MLLT10: variants seen among roughly 807,000 people sequenced by gnomAD.
The protein encoded by MLLT10 is protein AF-10.
MLLT10 carries 30 observed loss-of-function variants against 129.1 expected under a neutral mutation model. The ratio of observed to expected loss-of-function variants is 0.23; its 90% CI spans 0.17 to 0.32. MLLT10 has a LOEUF of 0.32. Ranked by LOEUF, MLLT10 falls within the 10% of genes least tolerant of loss-of-function variation. MLLT10 has a pLI of 1.00. For synonymous variants in MLLT10, 490 were observed against 446.4 expected (o/e 1.10, Z -1.23); for missense variants, 1,119 against 1,268.3 (o/e 0.88, Z 1.79).
intron 22 of MLLT10, 101 bp downstream of exon 22, chr10:21,740,337 TC>T: frequency 2.3e-6 from 3 of 1,327,798 alleles, no homozygotes; most frequent in Non-Finnish European, 3.1e-6. Context: ...GATCATTTCT[TC>T]TTAAAACCAG....
chr10:21,540,551 C>A (rs1353452162), intron 3 of MLLT10, among the ~76,000 whole-genome samples: 1 of 151,946 alleles, frequency 6.6e-6, no homozygotes, highest in African/African-American at 2.4e-5. Context: ...TCACAAAAAA[C>A]ACAGTGAGGG....
chr10:21,547,210 A>T (rs961786210), intron 3 of MLLT10, among the ~76,000 whole-genome samples: 21 of 151,648 alleles, frequency 1.4e-4, no homozygotes, highest in African/African-American at 5.1e-4. Context: ...GCTGATTTGG[A>T]GGTCATATGC....
At chr10:21,558,808 T>C (rs2038418351) in intron 3 of MLLT10, among the ~76,000 whole-genome samples, 1 of 152,216 alleles carries the variant, frequency 6.6e-6, no homozygotes, top group Non-Finnish European at 1.5e-5. Context: ...TTGTATGCAT[T>C]TCTTTCTGAA....
intron 8 of MLLT10, among the ~76,000 whole-genome samples, chr10:21,651,052 G>T (rs1472661894): frequency 7.0e-6 from 1 of 143,110 alleles, no homozygotes; most frequent in Non-Finnish European, 1.6e-5. Context: ...GTTTTGTTTT[G>T]TTTTGTTTTG....
chr10:21,642,533 G>A (rs528576527), intron 8 of MLLT10, among the ~76,000 whole-genome samples: 7 of 151,734 alleles, frequency 4.6e-5, no homozygotes, highest in East Asian at 1.9e-4. Flanking sequence ...GGCACATGCC[G>A]GTAATCCCAG....
intron 8 of MLLT10, among the ~76,000 whole-genome samples, chr10:21,645,597 T>TA: frequency 6.6e-6 from 1 of 152,340 alleles, no homozygotes; most frequent in African/African-American, 2.4e-5. Flanking sequence ...TGATTAGTGA[T>TA]AATGAAATTC....
rs769668359 is a variant in MLLT10 at position 21,673,959 on chromosome 10, A to G, written c.1621+40A>G. On this transcript the variant is annotated intron_variant, in intron 11 of 22. Coordinates refer to ENST00000307729, the MANE Select transcript of MLLT10 (RefSeq NM_001195626.3). ...ATTATTATTTTTCTCCTTCACTCCC[A>G]CCACCTCCCTTCTTCTGTCCCAAAA... The G allele has an allele frequency of 1.1e-5, 16 of 1,454,474 alleles. No homozygotes were observed. In the South Asian group the frequency reaches 2.3e-4, roughly 20 times the overall value. The allele number at this position is 1,454,474 out of a possible 1,614,324, so 90.1% of individuals were successfully genotyped here.
chr10:21,617,475 G>A (rs750374466), intron 8 of MLLT10, among the ~76,000 whole-genome samples: 7 of 152,098 alleles, frequency 4.6e-5, no homozygotes, highest in African/African-American at 1.2e-4. Context: ...GTCATCTTGC[G>A]AAATCTTTAG....
intron 8 of MLLT10, among the ~76,000 whole-genome samples, chr10:21,623,524 G>T (rs2046112110): frequency 6.6e-6 from 1 of 152,122 alleles, no homozygotes; most frequent in African/African-American, 2.4e-5. Context: ...GAAACTGGGG[G>T]CAGAGATCAA....
chr10:21,570,408 TAA>T (rs2040078120), intron 3 of MLLT10, among the ~76,000 whole-genome samples: 1 of 152,174 alleles, frequency 6.6e-6, no homozygotes, highest in South Asian at 2.1e-4. Context: ...GATAGTTCAT[TAA>T]AAGAGTGCCC....
chr10:21,598,126 T>C (rs2043185186), intron 5 of MLLT10, among the ~76,000 whole-genome samples: 1 of 152,226 alleles, frequency 6.6e-6, no homozygotes. Flanking sequence ...ACCCTTTCTT[T>C]TACATTCATC....
chr10:21,583,071 G>A (rs1786580759), intron 3 of MLLT10, among the ~76,000 whole-genome samples: 1 of 152,192 alleles, frequency 6.6e-6, no homozygotes, highest in South Asian at 2.1e-4. Flanking sequence ...TTGGGAGGCT[G>A]AGGCAGGAGA....
At chr10:21,668,078 A>T (rs2051009525) in intron 9 of MLLT10, among the ~76,000 whole-genome samples, 1 of 152,180 alleles carries the variant, frequency 6.6e-6, no homozygotes, top group Non-Finnish European at 1.5e-5. Context: ...CAACAACAAA[A>T]AAAGAACTTA....
At chr10:21,566,338 T>C (rs1452096887) in intron 3 of MLLT10, among the ~76,000 whole-genome samples, 1 of 141,240 alleles carries the variant, frequency 7.1e-6, no homozygotes, top group East Asian at 2.3e-4. Flanking sequence ...CCCACCCCCT[T>C]TTTTTTTTTT....
intron 16 of MLLT10, among the ~76,000 whole-genome samples, chr10:21,728,754 G>A (rs916847191): frequency 4.6e-5 from 7 of 152,070 alleles, no homozygotes; most frequent in African/African-American, 7.2e-5. Context: ...TTGGTCAGGC[G>A]TGGTGGCTCA....
chr10:21,600,834 C>T (rs1359383380), intron 5 of MLLT10, among the ~76,000 whole-genome samples: 2 of 152,174 alleles, frequency 1.3e-5, no homozygotes, highest in East Asian at 1.9e-4. Context: ...TCCAGCCCCC[C>T]TCTCCCCAAC....
chr10:21,632,769 A>G (rs1053715025), intron 8 of MLLT10, among the ~76,000 whole-genome samples: 3 of 152,168 alleles, frequency 2.0e-5, no homozygotes, highest in Non-Finnish European at 4.4e-5. Context: ...GTGTTATAGT[A>G]GATAGATCTG....
chr10:21,560,830 A>G (rs1371673222), intron 3 of MLLT10, among the ~76,000 whole-genome samples: 1 of 152,218 alleles, frequency 6.6e-6, no homozygotes, highest in African/African-American at 2.4e-5. Context: ...CCCAGTCATT[A>G]GTGATACAAG....
chr10:21,534,955 C>A, intron 2 of MLLT10, 151 bp downstream of exon 2: 1 of 298,504 alleles, frequency 3.4e-6, no homozygotes, highest in Non-Finnish European at 4.9e-6. Flanking sequence ...GGGGTGTGGG[C>A]CGCGCATGTG....
Sources: allele counts gnomAD v4.1 joint callset (sites outside exome capture counted in the v4.1 genomes callset), GRCh38; gene constraint gnomAD v4.1.1; transcripts MANE v1.5; gene names NCBI Gene and HGNC (gene_info 2026-07-23, HGNC 2026-07-21).